ULK4: variants seen among roughly 807,000 people sequenced by gnomAD.
ULK4 encodes inactive serine/threonine-protein kinase ULK4.
A neutral mutation model predicts 160.6 loss-of-function variants in ULK4; 133 were observed. The ratio of observed to expected loss-of-function variants is 0.83; its 90% CI spans 0.72 to 0.96. The LOEUF (loss-of-function observed/expected upper bound fraction) is 0.96, where lower values mean the gene tolerates loss of function less well. ULK4 is among the 40% of genes least tolerant of loss of function. The pLI is 0.00. For missense variants in ULK4, 1,580 were observed against 1,499.5 expected, an observed-to-expected ratio of 1.05 and a Z score of -0.89; for synonymous variants, 534 against 539.8, an observed-to-expected ratio of 0.99 and a Z score of 0.15.
At chr3:41,330,741 C>T (rs923916714) in intron 35 of ULK4, among the ~76,000 whole-genome samples, 3 of 152,190 alleles carry the variant, frequency 2.0e-5, no homozygotes, top group Non-Finnish European at 2.9e-5. Context: ...GGCAGCAGAG[C>T]TGAGGCTCTG....
chr3:41,688,188 C>T (rs1374021918), intron 27 of ULK4, among the ~76,000 whole-genome samples: 1 of 152,206 alleles, frequency 6.6e-6, no homozygotes, highest in East Asian at 1.9e-4. Context: ...CCTCCATCCT[C>T]ATCCCACCCC....
At chr3:41,948,571 G>A (rs1700184199) in intron 2 of ULK4, among the ~76,000 whole-genome samples, 2 of 152,020 alleles carry the variant, frequency 1.3e-5, no homozygotes, top group Admixed American at 6.6e-5. Flanking sequence ...ATATTAAAAG[G>A]ATTATGCACG....
chr3:41,712,087 A>G (rs1360282219), intron 25 of ULK4, among the ~76,000 whole-genome samples: 1 of 152,234 alleles, frequency 6.6e-6, no homozygotes, highest in African/African-American at 2.4e-5. Flanking sequence ...TTTAAAATAT[A>G]AGGTGACCAA....
chr3:41,452,120 C>T lies in ULK4; in HGVS notation c.3492+3377G>A, dbSNP rs139717789. Among the ~76,000 whole-genome samples, 8 of 152,182 alleles carry T rather than the reference C, an allele frequency of 5.3e-5. No individual in the cohort carries two copies. The East Asian group carries it at 1.5e-3, about 29-fold the overall frequency. ...TTTGATCTTGGTAGATGCATACTGC[C>T]GTATTTAATAGACCTCTGTGGCCTA... is the stretch of plus-strand genomic sequence containing the variant. On this transcript the variant is annotated intron_variant, in intron 34 of 36. Transcript: ENST00000301831.
At chr3:41,828,085 G>A (rs1440055124) in intron 18 of ULK4, among the ~76,000 whole-genome samples, 1 of 149,024 alleles carries the variant, frequency 6.7e-6, no homozygotes, top group South Asian at 2.1e-4. Flanking sequence ...AAAGGCCTTT[G>A]ACAAAATTCA....
chr3:41,503,627 C>G (rs915153717), intron 32 of ULK4, among the ~76,000 whole-genome samples: 2 of 152,166 alleles, frequency 1.3e-5, no homozygotes, highest in Non-Finnish European at 2.9e-5. Flanking sequence ...TTCCAGAACT[C>G]TGAAAAACTA....
rs534477199 is a variant in ULK4, at chr3:41,375,460, C to T, written c.3678+22619G>A. ...TAGACCAATGGAACAGAACAGAGGC[C>T]GCAGAAATAACACCATGTGTCTACA... On this transcript the variant is annotated intron_variant, in intron 35 of 36. Coordinates refer to ENST00000301831, the MANE Select transcript of ULK4 (RefSeq NM_017886.4). Among the ~76,000 whole-genome samples the T allele has an allele frequency of 2.7e-5, 4 of 149,988 alleles. 1 individual carries two copies. Among genetic ancestry groups the T allele is most frequent in the East Asian group, 4.2e-4 (2 of 4,796 alleles).
Position 41,911,354 on chromosome 3 carries a change from G to C in ULK4, c.1048C>G (p.Leu350Val), listed in dbSNP as rs780444316. 2 of 1,614,106 alleles carry C rather than the reference G, an allele frequency of 1.2e-6. No individual in the cohort carries two copies. Among genetic ancestry groups the C allele is most frequent in the South Asian group, 2.2e-5 (2 of 91,076 alleles). ...ATGGATTCATTCAATTGACCCTCAA[G>C]AGTACTCTTAGGCCGAAACTCAGTT... is the stretch of plus-strand genomic sequence containing the variant. Reference protein sequence around the residue: ...NPTEFRPKSTLEGQLNESMFL... With the variant: ...NPTEFRPKSTVEGQLNESMFL... The change falls in exon 11 of 37, where the codon CTT becomes GTT. Residue 350 changes from leucine (L) to valine (V), a missense_variant. Physicochemically the swap from Leu to Val is conservative, Grantham distance 32. Transcript: ENST00000301831.
chr3:41,705,344 G>A (rs1374990914), intron 25 of ULK4, 39 bp from the exon 26 acceptor site: 1 of 1,509,724 alleles, frequency 6.6e-7, no homozygotes, highest in Non-Finnish European at 9.0e-7. Context: ...GAGTTTCAAA[G>A]TAACTCTGAA....
intron 22 of ULK4, among the ~76,000 whole-genome samples, chr3:41,744,380 A>T (rs1230433407): frequency 1.3e-5 from 2 of 152,068 alleles, no homozygotes; most frequent in Non-Finnish European, 2.9e-5. Context: ...TGCAAACATT[A>T]ATTTAAAATA....
intron 32 of ULK4, among the ~76,000 whole-genome samples, chr3:41,549,778 T>G (rs1021971494): frequency 5.3e-5 from 8 of 151,792 alleles, no homozygotes; most frequent in African/African-American, 1.9e-4. Flanking sequence ...AAAGAAAGAA[T>G]TCTAAAAACA....
chr3:41,794,040 G>A (rs1295161041), intron 20 of ULK4, among the ~76,000 whole-genome samples: 1 of 152,220 alleles, frequency 6.6e-6, no homozygotes, highest in Non-Finnish European at 1.5e-5. Context: ...CTCTCGTGCA[G>A]TAAGTCTGGG....
At chr3:41,405,814 G>C (rs747368069) in intron 34 of ULK4, among the ~76,000 whole-genome samples, 2 of 149,434 alleles carry the variant, frequency 1.3e-5, no homozygotes, top group South Asian at 2.1e-4. Flanking sequence ...TTTTTAATGA[G>C]TTTTTTTTTT....
chr3:41,654,107 C>T lies in ULK4; in HGVS notation c.3071+9500G>A, dbSNP rs150031465. ...ATATCACTGTGTTGAAATAACTATC[C>T]TGGCTGGAGTCCAACAGACACAAAC... On this transcript the variant is annotated intron_variant, in intron 30 of 36. Coordinates refer to ENST00000301831, the MANE Select transcript of ULK4 (RefSeq NM_017886.4). Among the ~76,000 whole-genome samples, 22 of 152,314 alleles carry T rather than the reference C, an allele frequency of 1.4e-4. No individual in the cohort carries two copies. In the East Asian group the frequency reaches 4.1e-3, roughly 28 times the overall value.
chr3:41,660,674 T>G (rs992691221), intron 30 of ULK4, among the ~76,000 whole-genome samples: 5 of 152,208 alleles, frequency 3.3e-5, no homozygotes, highest in African/African-American at 1.2e-4. Flanking sequence ...TAATTGGTCT[T>G]TAATGCATTG....
rs1010578912 is a variant in ULK4 at position 41,840,949 on chromosome 3, C to A, written c.1657-4978G>T. ...GTGAGGAGCGCCTCTGCCCGGCCAC[C>A]CCGTCTGGGAAGTGAGGAGCGCCTC... On this transcript the variant is annotated intron_variant, in intron 17 of 36. Transcript: ENST00000301831. Among the ~76,000 whole-genome samples the A allele has an allele frequency of 2.0e-5, 3 of 150,812 alleles. No homozygotes were observed. In the East Asian group the frequency reaches 5.9e-4, roughly 30 times the overall value.
intron 12 of ULK4, among the ~76,000 whole-genome samples, chr3:41,902,342 G>A (rs1364120459): frequency 1.3e-5 from 2 of 152,134 alleles, no homozygotes; most frequent in South Asian, 2.1e-4. Context: ...CACTTTGGTA[G>A]GCCGAGGTGG....
At chr3:41,300,446 T>G (rs1203810798) in intron 35 of ULK4, among the ~76,000 whole-genome samples, 5 of 152,182 alleles carry the variant, frequency 3.3e-5, no homozygotes, top group African/African-American at 1.2e-4. Flanking sequence ...TTATTTTACA[T>G]AAGCATATTG....
intron 35 of ULK4, among the ~76,000 whole-genome samples, chr3:41,384,382 G>A (rs979706483): frequency 6.6e-6 from 1 of 152,058 alleles, no homozygotes; most frequent in Admixed American, 6.6e-5. Context: ...GCGAGCCTTG[G>A]TTGGAATGTG....
Sources: allele counts gnomAD v4.1 joint callset (sites outside exome capture counted in the v4.1 genomes callset), GRCh38; gene constraint gnomAD v4.1.1; transcripts MANE v1.5; gene names NCBI Gene and HGNC (gene_info 2026-07-23, HGNC 2026-07-21).